MGAT5B: variants seen among roughly 807,000 people sequenced by gnomAD.
MGAT5B encodes N-acetylglucosaminyl-transferase Vb.
A neutral mutation model predicts 95.1 loss-of-function variants in MGAT5B; 54 were observed. That is an observed-to-expected ratio of 0.57 (90% confidence interval 0.46 to 0.71). MGAT5B has a LOEUF of 0.71. MGAT5B is among the 30% of genes least tolerant of loss of function. The probability of loss-of-function intolerance (pLI) is 0.00; values close to 1 mark genes in which losing one functional copy is unlikely to be tolerated. For missense variants in MGAT5B, 935 were observed against 1,088.6 expected (o/e 0.86, Z 1.99); for synonymous variants, 464 against 451.0 (o/e 1.03, Z -0.36).
chr17:76,926,454 G>C, intron 9 of MGAT5B, 143 bp from the exon 10 acceptor site: 1 of 764,440 alleles, frequency 1.3e-6, no homozygotes, highest in Non-Finnish European at 2.1e-6. Flanking sequence ...CAGCAGGGCA[G>C]TGTCCTAGTC....
At chr17:76,932,500 T>C in intron 10 of MGAT5B, 145 bp from the exon 11 acceptor site, 1 of 1,189,486 alleles carries the variant, frequency 8.4e-7, no homozygotes, top group Non-Finnish European at 1.2e-6. Flanking sequence ...GGGGCACTGA[T>C]TACACCCTCC....
intron 13 of MGAT5B, among the ~76,000 whole-genome samples, chr17:76,939,029 G>GGGGGTGTGTGTGTGTGT (rs1237086611): frequency 7.8e-6 from 1 of 128,190 alleles, no homozygotes; most frequent in East Asian, 2.3e-4. Context: ...GCATCTTGGG[G>GGGGGTGTGTGTGTGTGT]GTGTGTGTGT....
At chr17:76,932,095 C>G (rs1969507061) in intron 10 of MGAT5B, among the ~76,000 whole-genome samples, 1 of 126,670 alleles carries the variant, frequency 7.9e-6, no homozygotes, top group Non-Finnish European at 1.7e-5. Flanking sequence ...TCCCCCCCCC[C>G]TTCTTCGTCT....
chr17:76,927,786 A>G (rs552154598), intron 10 of MGAT5B, among the ~76,000 whole-genome samples: 1 of 152,346 alleles, frequency 6.6e-6, no homozygotes, highest in East Asian at 1.9e-4. Flanking sequence ...AATTGTTGTC[A>G]GTACATCTGC....
intron 2 of MGAT5B, among the ~76,000 whole-genome samples, chr17:76,879,281 C>T (rs958340687): frequency 4.6e-5 from 7 of 152,084 alleles, no homozygotes; most frequent in South Asian, 2.1e-4. Context: ...AGGCCTAAGG[C>T]GCTCCAGGGA....
intron 16 of MGAT5B, 109 bp from the exon 17 acceptor site, chr17:76,947,721 C>T (rs912879213): frequency 4.0e-5 from 57 of 1,413,268 alleles, no homozygotes; most frequent in Admixed American, 2.4e-4. Context: ...ATTCAGTAAG[C>T]GCCCAGTAGT....
At chr17:76,913,838 G>T (rs1330980516) in intron 8 of MGAT5B, 1 of 455,728 alleles carries the variant, frequency 2.2e-6, no homozygotes, top group South Asian at 1.6e-5. Context: ...AGGCTGGGTG[G>T]GGCGGCTCAC....
In MGAT5B at chr17:76,870,431, G is replaced by T. The variant is rs1314681219; in HGVS notation, c.68+1334G>T. Among the ~76,000 whole-genome samples the T allele has an allele frequency of 1.3e-5, 2 of 152,158 alleles. No homozygotes were observed. Among genetic ancestry groups the T allele is most frequent in the East Asian group, 3.9e-4 (2 of 5,132 alleles). On this transcript the variant is annotated intron_variant, in intron 1 of 17. Transcript: ENST00000569840. The surrounding 1 kb of genome is among the most constrained non-coding windows in gnomAD (Gnocchi z 5.0). ...AAAGGGCCTTGCTCCTCCAGGGAAG[G>T]CCTTGAATCCCTGGCCTGACTGGGA...
At chr17:76,880,523 C>T (rs1967370854) in intron 2 of MGAT5B, among the ~76,000 whole-genome samples, 1 of 152,242 alleles carries the variant, frequency 6.6e-6, no homozygotes, top group Non-Finnish European at 1.5e-5. Context: ...GCTCCGCCCA[C>T]TGCCTCTAGC....
intron 12 of MGAT5B, 122 bp from the exon 13 acceptor site, chr17:76,937,866 G>T: frequency 1.6e-6 from 2 of 1,242,344 alleles, no homozygotes; most frequent in Admixed American, 2.2e-5. Context: ...CCCACAGCCA[G>T]TTAATGGCCA....
Position 76,898,489 on chromosome 17 carries a change from C to T in MGAT5B, c.330-4066C>T, listed in dbSNP as rs1042190219. 8.6e-5 allele frequency among the ~76,000 whole-genome samples: 13 copies of T among 151,952 alleles called. No individual in the cohort carries two copies. The East Asian group carries it at 1.6e-3, about 18-fold the overall frequency. Reference sequence around the variant, plus strand: ...GATTACAGGCGCGCACCACCACACCCGGCTAATTTTTTTTTTTTGGCCAGG... The same window carrying T: ...GATTACAGGCGCGCACCACCACACCTGGCTAATTTTTTTTTTTTGGCCAGG... On this transcript the variant is annotated intron_variant, in intron 3 of 17. Transcript: ENST00000569840.
Position 76,940,274 on chromosome 17 carries a change from A to T in MGAT5B, c.1585-128A>T. The T allele has an allele frequency of 8.3e-7, 1 of 1,211,136 alleles. No homozygotes were observed. 75.0% of individuals were successfully genotyped at this position (1,211,136 alleles called of 1,614,324 possible). A position where few individuals can be genotyped will look rare whatever the true frequency, so the allele number is the denominator to read the frequency against. On this transcript the variant is annotated intron_variant, in intron 13 of 17. Transcript: ENST00000569840. The surrounding 1 kb of genome is among the most constrained non-coding windows in gnomAD (Gnocchi z 4.3). ...TAGCTCACATAACAGGCTGAGCAAAAATAATCGCTCCAGGCCCAGCTGCCT... is the reference window on the plus strand; with the variant it reads ...TAGCTCACATAACAGGCTGAGCAAATATAATCGCTCCAGGCCCAGCTGCCT...
At chr17:76,882,492 C>A in intron 3 of MGAT5B, 194 bp downstream of exon 3, 1 of 618,044 alleles carries the variant, frequency 1.6e-6, no homozygotes, top group Non-Finnish European at 2.5e-6. Context: ...GGCCTGTTTT[C>A]CTCTTTAAAT....
rs1469703649 is a variant in MGAT5B, at chr17:76,889,348, A to C, written c.329+7050A>C. ...CACTGTGATGGGTTTGGGCCCACCA[A>C]GGGGTGGCTCCAGCAGGCAGGGAGG... On this transcript the variant is annotated intron_variant, in intron 3 of 17. Transcript: ENST00000569840. This position sits in a 1 kb window ranked among gnomAD's most constrained non-coding sequence, Gnocchi z 4.4. 6.6e-6 allele frequency among the ~76,000 whole-genome samples: 1 copy of C among 152,122 alleles called. No homozygotes were observed. Among genetic ancestry groups the C allele is most frequent in the Non-Finnish European group, 1.5e-5 (1 of 68,006 alleles).
At position 76,918,819 on chromosome 17, in the gene MGAT5B, A is replaced by G. The variant is rs998711965; in HGVS notation, c.1026-6147A>G. Reference sequence around the variant, plus strand: ...CAGTGAAGTTGTGGATCCTGCCTGCACTTCAGCCCCTGGAGTCAAAGATCT... The same window carrying G: ...CAGTGAAGTTGTGGATCCTGCCTGCGCTTCAGCCCCTGGAGTCAAAGATCT... On this transcript the variant is annotated intron_variant, in intron 8 of 17. Coordinates refer to ENST00000569840, the MANE Select transcript of MGAT5B (RefSeq NM_001199172.2). The surrounding 1 kb of genome is among the most constrained non-coding windows in gnomAD (Gnocchi z 5.1). 6.6e-6 allele frequency among the ~76,000 whole-genome samples: 1 copy of G among 152,280 alleles called. No individual in the cohort carries two copies. The highest frequency in any genetic ancestry group is 6.5e-5 in the Admixed American group (1 of 15,300).
At position 76,948,071 on chromosome 17, in the gene MGAT5B, A is replaced by G. The variant is rs1191828247; in HGVS notation, c.2165A>G (p.Gln722Arg). The part of the protein sequence containing the change: ...EPSFFPFLNS[Q>R]DAFLKLQVPC... ...TCCTTCTTCCCCTTCCTGAACAGCCAGGACGCCTTCCTCAAGTGAGTGTTC... is the reference window on the plus strand; with the variant it reads ...TCCTTCTTCCCCTTCCTGAACAGCCGGGACGCCTTCCTCAAGTGAGTGTTC... Residue 722 changes from glutamine to arginine, a missense_variant, in exon 17 of 18, where the codon CAG becomes CGG. Physicochemically the swap from Gln to Arg is conservative, Grantham distance 43. Around this residue, in one of 4 missense-constraint regions of MGAT5B, gnomAD observed 440 missense variants for 523.6 expected, o/e 0.84. Transcript: ENST00000569840. 1 of 1,603,690 alleles carries G rather than the reference A, an allele frequency of 6.2e-7. No individual in the cohort carries two copies. The highest frequency in any genetic ancestry group is 8.5e-7 in the Non-Finnish European group (1 of 1,174,588).
chr17:76,874,796 G>A (rs894938), intron 2 of MGAT5B, among the ~76,000 whole-genome samples: 1 of 151,902 alleles, frequency 6.6e-6, no homozygotes, highest in African/African-American at 2.4e-5. Flanking sequence ...TGCTGTGCTC[G>A]GTGCTATGCA....
intron 9 of MGAT5B, 25 bp downstream of exon 9, chr17:76,925,122 C>T (rs772529849): frequency 3.1e-6 from 5 of 1,609,528 alleles, no homozygotes; most frequent in Non-Finnish European, 4.2e-6. Context: ...AGAGGGTGGG[C>T]ACGTGGCCCA....
At chr17:76,919,879 A>C (rs1969070835) in intron 8 of MGAT5B, among the ~76,000 whole-genome samples, 1 of 152,220 alleles carries the variant, frequency 6.6e-6, no homozygotes, top group African/African-American at 2.4e-5. Flanking sequence ...TGCAAAACTG[A>C]AACTCCATAC....
Sources: allele counts gnomAD v4.1 joint callset (sites outside exome capture counted in the v4.1 genomes callset), GRCh38; gene constraint gnomAD v4.1.1; regional missense constraint gnomAD v4.1.1; non-coding constraint Gnocchi (gnomAD v3.1); transcripts MANE v1.5; gene names NCBI Gene and HGNC (gene_info 2026-07-23, HGNC 2026-07-21).